UBA2: variants seen among roughly 807,000 people sequenced by gnomAD.
UBA2 encodes the protein SUMO-activating enzyme subunit 2.
Under a neutral mutation model 77.2 loss-of-function variants are expected in UBA2, and 11 were observed. That is an observed-to-expected ratio of 0.14 (90% CI 0.09 to 0.24). The LOEUF is 0.24. Among genes scored for constraint, UBA2 ranks in the 10% least tolerant of loss-of-function variants. The pLI is 1.00. For synonymous variants in UBA2, 278 were observed against 276.7 expected (o/e 1.00, Z -0.05); for missense variants, 487 against 781.7 (o/e 0.62, Z 4.50).
At chr19:34,445,566 G>A (rs1252554281) in intron 8 of UBA2, among the ~76,000 whole-genome samples, 5 of 151,352 alleles carry the variant, frequency 3.3e-5, no homozygotes, top group Non-Finnish European at 7.4e-5. Context: ...AGCCTTCCGA[G>A]TAGCTGGGAT....
intron 7 of UBA2, among the ~76,000 whole-genome samples, chr19:34,444,212 C>T (rs576044527): frequency 5.3e-5 from 8 of 151,802 alleles, no homozygotes; most frequent in South Asian, 2.1e-4. Context: ...CACCTGCCAC[C>T]GCGCCCAGCT....
intron 12 of UBA2, among the ~76,000 whole-genome samples, chr19:34,458,553 C>T (rs547352685): frequency 1.7e-3 from 113 of 64,826 alleles, no homozygotes; most frequent in African/African-American, 6.4e-3. Flanking sequence ...AGCAAGACTC[C>T]GTCTCAAAAA....
intron 15 of UBA2, among the ~76,000 whole-genome samples, chr19:34,465,038 CA>C (rs201995823): frequency 4.8e-4 from 71 of 149,472 alleles, no homozygotes; most frequent in African/African-American, 1.6e-3. Flanking sequence ...AACTCCATCT[CA>C]AAAAAAAAGG....
chr19:34,456,100 CTTT>C (rs869118014), intron 12 of UBA2, among the ~76,000 whole-genome samples: 1 of 55,782 alleles, frequency 1.8e-5, no homozygotes, highest in African/African-American at 7.2e-5. Flanking sequence ...TTTTCCTTTT[CTTT>C]TTCTTTTTTT....
intron 3 of UBA2, among the ~76,000 whole-genome samples, chr19:34,432,977 G>C (rs1306823445): frequency 6.6e-6 from 1 of 152,160 alleles, no homozygotes; most frequent in African/African-American, 2.4e-5. Context: ...CCTGAACCCT[G>C]CCTGATCCTG....
chr19:34,439,869 G>C (rs1476691921), intron 6 of UBA2, among the ~76,000 whole-genome samples: 1 of 151,898 alleles, frequency 6.6e-6, no homozygotes, highest in Non-Finnish European at 1.5e-5. Flanking sequence ...ATTAATTGAA[G>C]TAAGAGCACA....
chr19:34,431,152 T>G, intron 2 of UBA2, among the ~76,000 whole-genome samples: 1 of 151,882 alleles, frequency 6.6e-6, no homozygotes, highest in South Asian at 2.1e-4. Context: ...GGCTTCCTCC[T>G]CCAGGAGTAC....
chr19:34,469,263 A>G lies in UBA2; in HGVS notation c.*42A>G. On this transcript the variant is annotated 3_prime_UTR_variant, in exon 17 of 17. Transcript: ENST00000246548. ...ACAGAACCCTCTTACTATTTAGTTT[A>G]TCTGGGCAGAACCAGATTGTTATGT... is the stretch of plus-strand genomic sequence containing the variant. 2.0e-6 allele frequency: 3 copies of G among 1,488,440 alleles called. No individual in the cohort carries two copies. The highest frequency in any genetic ancestry group is 2.7e-6 in the Non-Finnish European group (3 of 1,124,100). The allele number at this position is 1,488,440 out of a possible 1,614,324, so 92.2% of individuals were successfully genotyped here.
chr19:34,452,241 A>C (rs1385326651), intron 10 of UBA2, 94 bp downstream of exon 10: 2 of 1,141,554 alleles, frequency 1.8e-6, no homozygotes, highest in Non-Finnish European at 2.4e-6. Context: ...TTGAATATTT[A>C]CTAGATTTTG....
intron 5 of UBA2, among the ~76,000 whole-genome samples, chr19:34,436,833 T>A (rs2075314145): frequency 6.6e-6 from 1 of 152,248 alleles, no homozygotes; most frequent in African/African-American, 2.4e-5. Context: ...TGTTAAATGT[T>A]ATTCTTGGAA....
intron 16 of UBA2, 99 bp downstream of exon 16, chr19:34,467,113 C>A: frequency 2.2e-6 from 3 of 1,393,332 alleles, no homozygotes; most frequent in Non-Finnish European, 3.0e-6. Context: ...CATAAAACTA[C>A]TAGAGGTGTG....
At chr19:34,462,801 T>A (rs1433618747) in intron 14 of UBA2, among the ~76,000 whole-genome samples, 1 of 151,994 alleles carries the variant, frequency 6.6e-6, no homozygotes, top group Non-Finnish European at 1.5e-5. Flanking sequence ...CCTCATCTCT[T>A]GTAAAAATAC....
chr19:34,458,428 C>T (rs549906253), intron 12 of UBA2, among the ~76,000 whole-genome samples: 64 of 151,490 alleles, frequency 4.2e-4, no homozygotes, highest in African/African-American at 1.4e-3. Context: ...GGCGAGGTGG[C>T]GGGCGCCTGT....
At chr19:34,465,819 C>T (rs1171477641) in intron 15 of UBA2, among the ~76,000 whole-genome samples, 1 of 152,002 alleles carries the variant, frequency 6.6e-6, no homozygotes, top group Non-Finnish European at 1.5e-5. Context: ...AGTGGAAATA[C>T]CACAAGGTAT....
chr19:34,448,896 G>A (rs1207654597), intron 8 of UBA2, among the ~76,000 whole-genome samples: 1 of 151,988 alleles, frequency 6.6e-6, no homozygotes, highest in Non-Finnish European at 1.5e-5. Context: ...AAGAGATGGA[G>A]CTTAGGCTTA....
chr19:34,452,225 C>A, intron 10 of UBA2, 78 bp downstream of exon 10: 1 of 1,188,494 alleles, frequency 8.4e-7, no homozygotes, highest in Non-Finnish European at 1.1e-6. Flanking sequence ...AGAAGCTAGT[C>A]ATTTTTTGAA....
intron 12 of UBA2, among the ~76,000 whole-genome samples, chr19:34,457,166 T>C (rs1373828047): frequency 2.0e-5 from 1 of 51,042 alleles, no homozygotes; most frequent in Admixed American, 2.6e-4. Context: ...TGGTCTCTAC[T>C]AAAAAAAAAA....
intron 5 of UBA2, 24 bp downstream of exon 5, chr19:34,434,992 A>G (rs904816817): frequency 6.8e-7 from 1 of 1,481,028 alleles, no homozygotes; most frequent in African/African-American, 1.4e-5. Context: ...TTATTTTTTT[A>G]ACTTCCCAAA....
chr19:34,451,851 A>T, intron 9 of UBA2, 130 bp from the exon 10 acceptor site: 1 of 530,318 alleles, frequency 1.9e-6, no homozygotes, highest in Non-Finnish European at 3.0e-6. Flanking sequence ...TGGCCCCATG[A>T]TAATTATTTT....
Sources: allele counts gnomAD v4.1 joint callset (sites outside exome capture counted in the v4.1 genomes callset), GRCh38; gene constraint gnomAD v4.1.1; transcripts MANE v1.5; gene names NCBI Gene and HGNC (gene_info 2026-07-23, HGNC 2026-07-21).